SPATA6: variants seen among roughly 807,000 people sequenced by gnomAD.
SPATA6 encodes spermatogenesis associated 6, also known as spermatogenesis-associated protein 6.
A neutral mutation model predicts 65.3 loss-of-function variants in SPATA6; 56 were observed. The ratio of observed to expected loss-of-function variants is 0.86; its 90% CI spans 0.69 to 1.07. SPATA6 has a LOEUF of 1.07. SPATA6 is among the 50% of genes least tolerant of loss of function. The pLI is 0.00. For missense variants in SPATA6, 590 were observed against 594.8 expected (o/e 0.99, Z 0.08); for synonymous variants, 199 against 213.2 (o/e 0.93, Z 0.58).
chr1:48,322,752 T>C (rs947693010), intron 11 of SPATA6, among the ~76,000 whole-genome samples: 2 of 152,110 alleles, frequency 1.3e-5, no homozygotes, highest in African/African-American at 2.4e-5. Flanking sequence ...CATCAAAAAA[T>C]GGGTGAAGGA....
intron 12 of SPATA6, among the ~76,000 whole-genome samples, chr1:48,302,526 G>A (rs943376172): frequency 1.3e-5 from 2 of 152,178 alleles, no homozygotes; most frequent in Non-Finnish European, 2.9e-5. Flanking sequence ...TAGCTTAGTG[G>A]CCAGCAAATG....
At chr1:48,390,551 G>A (rs566462450) in intron 8 of SPATA6, among the ~76,000 whole-genome samples, 202 of 152,240 alleles carry the variant, frequency 1.3e-3, no homozygotes, top group Admixed American at 2.6e-3. Flanking sequence ...AAAGTAGCTG[G>A]AAGACAGGAC....
intron 12 of SPATA6, among the ~76,000 whole-genome samples, chr1:48,300,495 A>G (rs549595054): frequency 2.0e-5 from 3 of 152,296 alleles, no homozygotes; most frequent in South Asian, 4.1e-4. Flanking sequence ...CCAAATATTT[A>G]AAGAAGAACT....
intron 9 of SPATA6, among the ~76,000 whole-genome samples, chr1:48,372,977 C>A (rs1002268197): frequency 3.3e-5 from 5 of 152,152 alleles, no homozygotes; most frequent in Non-Finnish European, 7.4e-5. Flanking sequence ...CTGGACCTCT[C>A]GGCCTGTGAT....
Position 48,311,971 on chromosome 1 carries a change from C to T in SPATA6, c.1195-6093G>A, listed in dbSNP as rs542086987. On this transcript the variant is annotated intron_variant, in intron 11 of 12. Coordinates refer to ENST00000371847, the MANE Select transcript of SPATA6 (RefSeq NM_019073.4). ...TACGCCCACGGAGCCTCACTCATTG[C>T]TACCACAACAGTCTGAGATAAAACT... is the stretch of plus-strand genomic sequence containing the variant. 7.2e-5 allele frequency among the ~76,000 whole-genome samples: 11 copies of T among 152,330 alleles called. No individual in the cohort carries two copies. The East Asian group carries it at 1.4e-3, about 19-fold the overall frequency.
chr1:48,418,282 T>C (rs762403142), intron 3 of SPATA6, among the ~76,000 whole-genome samples: 1 of 151,962 alleles, frequency 6.6e-6, no homozygotes, highest in Admixed American at 6.6e-5. Flanking sequence ...AAAGGGAAAA[T>C]GCTGAAGTGG....
At chr1:48,275,887 G>A in the SPATA6 span, among the ~76,000 whole-genome samples, 1 of 152,058 alleles carries the variant, frequency 6.6e-6, no homozygotes, top group African/African-American at 2.4e-5. Flanking sequence ...TCTATTGTTT[G>A]GAATCGTTTC....
chr1:48,261,516 C>A, the SPATA6 span, among the ~76,000 whole-genome samples: 1 of 152,006 alleles, frequency 6.6e-6, no homozygotes, highest in Non-Finnish European at 1.5e-5. Context: ...ATTGTCTTTT[C>A]CAATTTAGAT....
rs1405282200 is a variant in SPATA6 at position 48,451,586 on chromosome 1, T to C, written c.204A>G (p.Ala68=). The stretch of plus-strand genomic sequence containing the variant: ...GTGTAACCACATCTCCAGGATCTAC[T>C]GCGTCCGGGAACACCTATAGTGAGA... ...RMVFEKVFPD[A]VDPGDVVTQL... Residue 68 remains alanine, a synonymous_variant, in exon 3 of 13, where the codon GCA becomes GCG. Transcript: ENST00000371847. 11 of 1,612,652 alleles carry C rather than the reference T, an allele frequency of 6.8e-6. No individual in the cohort carries two copies. Among genetic ancestry groups the C allele is most frequent in the Non-Finnish European group, 8.5e-6 (10 of 1,179,434 alleles).
intron 11 of SPATA6, among the ~76,000 whole-genome samples, chr1:48,315,682 C>A (rs1645391438): frequency 6.6e-6 from 1 of 152,152 alleles, no homozygotes; most frequent in South Asian, 2.1e-4. Context: ...GTTGGAAGTT[C>A]TGGCCACGGC....
intron 11 of SPATA6, among the ~76,000 whole-genome samples, chr1:48,349,901 C>A (rs547982228): frequency 2.0e-5 from 3 of 152,032 alleles, no homozygotes; most frequent in South Asian, 4.1e-4. Context: ...CACCTTTTGG[C>A]AACCATAAAG....
the SPATA6 span, among the ~76,000 whole-genome samples, chr1:48,280,222 A>G: frequency 6.6e-6 from 1 of 152,226 alleles, no homozygotes; most frequent in African/African-American, 2.4e-5. Flanking sequence ...TGCCCACAAG[A>G]CAAAGCAGGA....
chr1:48,267,752 G>GTTTTTTTTTTTT, the SPATA6 span, among the ~76,000 whole-genome samples: 10 of 72,702 alleles, frequency 1.4e-4, 1 homozygote, highest in African/African-American at 1.7e-4. Context: ...TAGGGTCTGG[G>GTTTTTTTTTTTT]TTTTTTTTTT....
chr1:48,336,662 GA>G (rs919366353), intron 11 of SPATA6, among the ~76,000 whole-genome samples: 4 of 146,366 alleles, frequency 2.7e-5, no homozygotes, highest in South Asian at 4.3e-4. Flanking sequence ...AGAAGTTCAA[GA>G]AAAAAAAAAG....
chr1:48,274,092 C>T, the SPATA6 span, among the ~76,000 whole-genome samples: 2 of 152,052 alleles, frequency 1.3e-5, no homozygotes, highest in Admixed American at 6.6e-5. Context: ...TCTAATCATC[C>T]GTGTGATCAT....
At chr1:48,274,422 A>C in the SPATA6 span, among the ~76,000 whole-genome samples, 3 of 152,256 alleles carry the variant, frequency 2.0e-5, no homozygotes, top group Admixed American at 2.0e-4. Flanking sequence ...GCCCAGACTT[A>C]TGTCCTGAAT....
the SPATA6 span, among the ~76,000 whole-genome samples, chr1:48,281,988 A>G: frequency 2.0e-5 from 3 of 152,216 alleles, no homozygotes; most frequent in Admixed American, 6.5e-5. Context: ...AAACAGAGAT[A>G]TATATCAATG....
the SPATA6 span, among the ~76,000 whole-genome samples, chr1:48,273,946 T>A: frequency 1.3e-5 from 2 of 152,326 alleles, no homozygotes; most frequent in Non-Finnish European, 2.9e-5. Flanking sequence ...TGAACTAATT[T>A]ACACTCCCCC....
At chr1:48,274,743 C>G in the SPATA6 span, among the ~76,000 whole-genome samples, 41 of 152,194 alleles carry the variant, frequency 2.7e-4, 1 homozygote, top group South Asian at 8.5e-3. Context: ...ATTACTGTAG[C>G]CTTGTAGTAT....
Sources: gnomAD v4.1 joint callset for allele counts (sites outside exome capture counted in the v4.1 genomes callset) on GRCh38, gnomAD v4.1.1 for gene constraint, MANE v1.5 for transcripts, NCBI Gene and HGNC (gene_info 2026-07-23, HGNC 2026-07-21) for gene names.